The following PRKN variants were observed in gnomAD, a reference collection of about 807,000 sequenced individuals.
PRKN encodes the protein parkin RBR E3 ubiquitin protein ligase, also known as E3 ubiquitin-protein ligase parkin.
Under a neutral mutation model 59.5 loss-of-function variants are expected in PRKN, and 56 were observed. That is an observed-to-expected ratio of 0.94 (90% CI 0.76 to 1.18). PRKN has a LOEUF of 1.18. PRKN is among the 50% of genes most tolerant of loss of function. The pLI is 0.00. For synonymous variants in PRKN, 250 were observed against 222.1 expected (o/e 1.13, Z -1.12); for missense variants, 657 against 596.4 (o/e 1.10, Z -1.06).
chr6:161,734,005 C>T (rs1425108071), intron 7 of PRKN, among the ~76,000 whole-genome samples: 11 of 110,584 alleles, frequency 9.9e-5, no homozygotes, highest in African/African-American at 5.2e-4. Flanking sequence ...CACACACACA[C>T]ATATTTGCTA....
chr6:162,140,229 A>G (rs775625113), intron 4 of PRKN, among the ~76,000 whole-genome samples: 23 of 152,170 alleles, frequency 1.5e-4, no homozygotes, highest in Non-Finnish European at 2.9e-4. Flanking sequence ...TAAAATTATA[A>G]TTTCTAAGAC....
intron 1 of PRKN, among the ~76,000 whole-genome samples, chr6:162,566,419 TC>T (rs1780082105): frequency 6.6e-6 from 1 of 151,284 alleles, no homozygotes; most frequent in South Asian, 2.1e-4. Context: ...AGAGAGAAGA[TC>T]CAAATAAAAC....
intron 1 of PRKN, among the ~76,000 whole-genome samples, chr6:162,497,061 T>C (rs1793098932): frequency 6.6e-6 from 1 of 152,206 alleles, no homozygotes; most frequent in Non-Finnish European, 1.5e-5. Flanking sequence ...AGTGATGTTG[T>C]AATGGCTAAT....
Position 162,538,266 on chromosome 6 carries a change from A to G in PRKN, c.8-94793T>C, listed in dbSNP as rs1310654803. 5.9e-5 allele frequency among the ~76,000 whole-genome samples: 9 copies of G among 152,188 alleles called. No homozygotes were observed. The East Asian group carries it at 1.7e-3, about 29-fold the overall frequency. On this transcript the variant is annotated intron_variant, in intron 1 of 11. Coordinates refer to ENST00000366898, the MANE Select transcript of PRKN (RefSeq NM_004562.3). ...TACAAAAATTAGCTGACATGATGGCACAGGCCTGTAATCCAAGCTACAAAG... is the reference window on the plus strand; with the variant it reads ...TACAAAAATTAGCTGACATGATGGCGCAGGCCTGTAATCCAAGCTACAAAG...
At chr6:161,914,792 G>T (rs1473067596) in intron 6 of PRKN, among the ~76,000 whole-genome samples, 2 of 151,848 alleles carry the variant, frequency 1.3e-5, no homozygotes, top group Non-Finnish European at 2.9e-5. Context: ...CGATACTCAT[G>T]ACCATCAGCA....
intron 6 of PRKN, among the ~76,000 whole-genome samples, chr6:161,834,352 G>A (rs573940419): frequency 6.6e-6 from 1 of 152,154 alleles, no homozygotes; most frequent in East Asian, 1.9e-4. Flanking sequence ...TCTTAAACGG[G>A]TCAGGCTTCT....
chr6:162,121,320 T>C (rs1780905939), intron 4 of PRKN, among the ~76,000 whole-genome samples: 1 of 152,152 alleles, frequency 6.6e-6, no homozygotes, highest in African/African-American at 2.4e-5. Flanking sequence ...GTAGGCACCA[T>C]CATTTTAGTG....
intron 2 of PRKN, among the ~76,000 whole-genome samples, chr6:162,438,520 T>G (rs1382328070): frequency 6.6e-6 from 1 of 152,090 alleles, no homozygotes; most frequent in Non-Finnish European, 1.5e-5. Context: ...AAAGTATTGA[T>G]TTGTTCTTTC....
At chr6:162,161,271 G>A (rs1221799898) in intron 4 of PRKN, among the ~76,000 whole-genome samples, 2 of 152,094 alleles carry the variant, frequency 1.3e-5, no homozygotes, top group African/African-American at 4.8e-5. Context: ...GGTACAAAGA[G>A]GACACTGGAG....
intron 5 of PRKN, among the ~76,000 whole-genome samples, chr6:162,002,458 T>C (rs1227131556): frequency 6.6e-6 from 1 of 152,136 alleles, no homozygotes; most frequent in African/African-American, 2.4e-5. Context: ...TATTCCTTTA[T>C]AAGCCTTTCA....
chr6:162,591,464 T>C (rs964655738), intron 1 of PRKN, among the ~76,000 whole-genome samples: 7 of 152,136 alleles, frequency 4.6e-5, no homozygotes, highest in African/African-American at 1.7e-4. Flanking sequence ...AGTCAGGGTA[T>C]TTAGGACATC....
intron 4 of PRKN, among the ~76,000 whole-genome samples, chr6:162,138,285 G>T (rs767776495): frequency 9.2e-5 from 14 of 152,152 alleles, no homozygotes; most frequent in Admixed American, 2.6e-4. Context: ...GGTACTTGAG[G>T]CATCTGGTAG....
chr6:161,374,265 G>C, intron 10 of PRKN, among the ~76,000 whole-genome samples: 1 of 151,706 alleles, frequency 6.6e-6, no homozygotes, highest in East Asian at 1.9e-4. Flanking sequence ...TGTATGTGCA[G>C]TGTGTGTGGT....
chr6:162,171,872 G>A (rs1783295824), intron 4 of PRKN, among the ~76,000 whole-genome samples: 2 of 152,060 alleles, frequency 1.3e-5, no homozygotes, highest in South Asian at 4.1e-4. Context: ...CTGTATTTGG[G>A]GACTGGAACA....
intron 5 of PRKN, among the ~76,000 whole-genome samples, chr6:162,005,607 G>A (rs1782219456): frequency 6.6e-6 from 1 of 151,886 alleles, no homozygotes; most frequent in Admixed American, 6.6e-5. Flanking sequence ...CTTGAGTGTT[G>A]ACAGCCCGAA....
intron 4 of PRKN, among the ~76,000 whole-genome samples, chr6:162,120,122 A>C (rs916207283): frequency 2.6e-5 from 4 of 152,120 alleles, no homozygotes; most frequent in African/African-American, 7.2e-5. Context: ...GGCTCCAGTG[A>C]TCCTCCCACA....
At chr6:161,644,905 G>A (rs1395634388) in intron 7 of PRKN, among the ~76,000 whole-genome samples, 3 of 152,158 alleles carry the variant, frequency 2.0e-5, no homozygotes, top group African/African-American at 7.2e-5. Context: ...CTATTACAAT[G>A]GAGATCATCC....
chr6:161,904,005 G>A (rs1405803421), intron 6 of PRKN, among the ~76,000 whole-genome samples: 1 of 151,844 alleles, frequency 6.6e-6, no homozygotes, highest in East Asian at 1.9e-4. Context: ...CCCAGCACTG[G>A]CCTCTTCACA....
intron 6 of PRKN, among the ~76,000 whole-genome samples, chr6:161,853,570 A>G (rs1238779220): frequency 6.6e-6 from 1 of 152,252 alleles, no homozygotes; most frequent in Non-Finnish European, 1.5e-5. Context: ...AAATTGTGGT[A>G]TGCAACATGA....
Sources: allele counts gnomAD v4.1 joint callset (sites outside exome capture counted in the v4.1 genomes callset), GRCh38; gene constraint gnomAD v4.1.1; transcripts MANE v1.5; gene names NCBI Gene and HGNC (gene_info 2026-07-23, HGNC 2026-07-21).